Variants in FLOT1 observed in about 807,000 individuals in gnomAD.
FLOT1 encodes flotillin 1, also known as flotillin-1.
A neutral mutation model predicts 58.4 loss-of-function variants in FLOT1; 40 were observed. That is an observed-to-expected ratio of 0.69 (90% CI 0.53 to 0.89). The LOEUF (loss-of-function observed/expected upper bound fraction) is 0.89. Among genes scored for constraint, FLOT1 ranks in the 40% least tolerant of loss-of-function variants. The pLI is 0.00. For synonymous variants in FLOT1, 178 were observed against 204.2 expected (o/e 0.87, Z 1.09); for missense variants, 423 against 540.8 (o/e 0.78, Z 2.16).
intron 12 of FLOT1, among the ~76,000 whole-genome samples, chr6:30,728,767 C>T (rs1776929913): frequency 6.7e-6 from 1 of 150,350 alleles, no homozygotes; most frequent in Non-Finnish European, 1.5e-5. Flanking sequence ...CAGCACCCAG[C>T]CCGAATATGC....
chr6:30,739,958 G>A (rs916482264), intron 8 of FLOT1, among the ~76,000 whole-genome samples, 200 bp downstream of exon 8: 2 of 152,216 alleles, frequency 1.3e-5, no homozygotes, highest in Admixed American at 6.5e-5. Flanking sequence ...CACCACACCC[G>A]GCTGGCCTTT....
At chr6:30,735,107 T>A (rs1437760504) in intron 8 of FLOT1, among the ~76,000 whole-genome samples, 1 of 151,774 alleles carries the variant, frequency 6.6e-6, no homozygotes, top group Non-Finnish European at 1.5e-5. Flanking sequence ...TTGGTCATGT[T>A]CCCCAGAGCA....
At chr6:30,738,286 G>A (rs1451675322) in intron 8 of FLOT1, among the ~76,000 whole-genome samples, 5 of 152,204 alleles carry the variant, frequency 3.3e-5, no homozygotes, top group African/African-American at 1.2e-4. Flanking sequence ...GAGTTGCAAA[G>A]CTGTATGCCA....
chr6:30,735,183 T>A (rs1446698083), intron 8 of FLOT1, among the ~76,000 whole-genome samples: 1 of 151,976 alleles, frequency 6.6e-6, no homozygotes, highest in Non-Finnish European at 1.5e-5. Context: ...GGGGTTGGGG[T>A]TGGGGTTGGC....
At position 30,730,030 on chromosome 6, in the gene FLOT1, T is replaced by C. The variant is rs1266818663; in HGVS notation, c.1246A>G (p.Ile416Val). Residue 416 changes from isoleucine to valine, a missense_variant, in exon 12 of 13, where the codon ATC becomes GTC. Coordinates refer to ENST00000376389, the MANE Select transcript of FLOT1 (RefSeq NM_005803.4). ...ESVERLTGVS[I>V]SQVNHKPLRT... ...CCAACCTGAGACCTCACCTGGGAGA[T>C]GCTCACGCCTGTGAGTCTTTCCACA... 6.2e-7 allele frequency: 1 copy of C among 1,612,874 alleles called. No homozygotes were observed. Among genetic ancestry groups the C allele is most frequent in the African/African-American group, 1.3e-5 (1 of 74,910 alleles).
rs753497493 is a variant in FLOT1, at chr6:30,741,360, G to A, written c.211-27C>T. 2 of 1,612,746 alleles carry A rather than the reference G, an allele frequency of 1.2e-6. No homozygotes were observed. Among genetic ancestry groups the A allele is most frequent in the African/African-American group, 2.7e-5 (2 of 74,940 alleles). On this transcript the variant is annotated intron_variant, in intron 4 of 12. Transcript: ENST00000376389. This position sits in a 1 kb window ranked among gnomAD's most constrained non-coding sequence, Gnocchi z 5.9. ...TGTAGCCAGAGTAGGGGTAGGAAAGGTGTGGTGGGGGTCTCATGAAGTCAG... is the reference window on the plus strand; with the variant it reads ...TGTAGCCAGAGTAGGGGTAGGAAAGATGTGGTGGGGGTCTCATGAAGTCAG...
At position 30,741,874 on chromosome 6, in the gene FLOT1, G is replaced by A. The variant is rs770959587; in HGVS notation, c.44-7C>T. The A allele has an allele frequency of 8.1e-6, 13 of 1,611,982 alleles. No homozygotes were observed. The highest frequency in any genetic ancestry group is 1.1e-5 in the South Asian group (1 of 91,022). Reference sequence around the variant, plus strand: ...GGGGGGCTTCGGCAGAACCCTGCAAGGTGTGGGGCAGTGAGGAACGGTGGC... The same window carrying A: ...GGGGGGCTTCGGCAGAACCCTGCAAAGTGTGGGGCAGTGAGGAACGGTGGC... On this transcript the variant is annotated splice_polypyrimidine_tract_variant and splice_region_variant and intron_variant, in intron 2 of 12. Transcript: ENST00000376389. The surrounding 1 kb of genome is among the most constrained non-coding windows in gnomAD (Gnocchi z 5.9).
chr6:30,741,697 G>A lies in FLOT1; in HGVS notation c.127C>T (p.Leu43Phe). 6.2e-7 allele frequency: 1 copy of A among 1,612,792 alleles called. No homozygotes were observed. The highest frequency in any genetic ancestry group is 8.5e-7 in the Non-Finnish European group (1 of 1,179,820). Residue 43 changes from leucine to phenylalanine, a missense_variant, in exon 4 of 13, where the codon CTC becomes TTC. Around this residue, in one of 6 missense-constraint regions of FLOT1, gnomAD observed 91 missense variants for 118.3 expected, o/e 0.77. Transcript: ENST00000376389. This position sits in a 1 kb window ranked among gnomAD's most constrained non-coding sequence, Gnocchi z 5.9. ...TTGACATTGAGGGTCAGTGTGTTGA[G>A]AGAGATCCTAGGGGAAAAAGAAGGG... ...PCIQQIQRIS[L>F]NTLTLNVKSE...
chr6:30,739,667 CT>C (rs918564074), intron 8 of FLOT1, among the ~76,000 whole-genome samples: 12 of 137,264 alleles, frequency 8.7e-5, no homozygotes, highest in African/African-American at 3.0e-4. Context: ...CGCGCGTGGC[CT>C]TTTTTTTCTC....
chr6:30,730,849 GC>G, intron 9 of FLOT1, 69 bp downstream of exon 9: 1 of 1,596,360 alleles, frequency 6.3e-7, no homozygotes, highest in Non-Finnish European at 8.6e-7. Flanking sequence ...GGTGGTGAAG[GC>G]TTCAGCACTC....
Position 30,728,093 on chromosome 6 carries a change from G to A in FLOT1, c.*23C>T, listed in dbSNP as rs780938312. 1 of 1,611,468 alleles carries A rather than the reference G, an allele frequency of 6.2e-7. No homozygotes were observed. The highest frequency in any genetic ancestry group is 8.5e-7 in the Non-Finnish European group (1 of 1,178,600). ...TTCAGGCAACTTCAGCTATGAGGCT[G>A]GGCATCTGTGAGGGCTGAAGGCTCA... On this transcript the variant is annotated 3_prime_UTR_variant, in exon 13 of 13. Coordinates refer to ENST00000376389, the MANE Select transcript of FLOT1 (RefSeq NM_005803.4).
chr6:30,739,765 CA>C (rs2127779289), intron 8 of FLOT1, among the ~76,000 whole-genome samples: 1 of 152,292 alleles, frequency 6.6e-6, no homozygotes, highest in South Asian at 2.1e-4. Flanking sequence ...CTGGCTCAAG[CA>C]ATCCTCCTGC....
At position 30,742,462 on chromosome 6, in the gene FLOT1, C is replaced by A; in HGVS notation, c.-15+65G>T. 1 of 552,578 alleles carries A rather than the reference C, an allele frequency of 1.8e-6. No individual in the cohort carries two copies. Among genetic ancestry groups the A allele is most frequent in the East Asian group, 3.2e-5 (1 of 31,032 alleles). The allele number at this position is 552,578 out of a possible 1,614,324, so 34.2% of individuals were successfully genotyped here. On this transcript the variant is annotated intron_variant, in intron 1 of 12. Coordinates refer to ENST00000376389, the MANE Select transcript of FLOT1 (RefSeq NM_005803.4). This position sits in a 1 kb window ranked among gnomAD's most constrained non-coding sequence, Gnocchi z 5.2. ...AAGGTCCCCCGCGCCCAGAGGCCTG[C>A]AGACCTTTCCCCTCTCTCCCTGCTT...
intron 11 of FLOT1, 120 bp from the exon 12 acceptor site, chr6:30,730,306 A>G (rs1224338461): frequency 6.7e-7 from 1 of 1,498,610 alleles, no homozygotes; most frequent in Non-Finnish European, 9.1e-7. Context: ...TTGGTCACTA[A>G]TAATTCCCAC....
At position 30,730,694 on chromosome 6, in the gene FLOT1, G is replaced by T. The variant is rs1328575733; in HGVS notation, c.939C>A (p.Ala313=). Reference sequence around the variant, plus strand: ...CCTCTTAACTCACCCGCACAGACGCGGCTTCTGCCTCCGCCTGCATAATTA... The same window carrying T: ...CCTCTTAACTCACCCGCACAGACGCTGCTTCTGCCTCCGCCTGCATAATTA... ...SQLIMQAEAE[A]ASVRMRGEAE... is the part of the protein sequence containing the mutation. Residue 313 remains alanine (A), a synonymous_variant, in exon 10 of 13, where the codon GCC becomes GCA. Coordinates refer to ENST00000376389, the MANE Select transcript of FLOT1 (RefSeq NM_005803.4). The T allele has an allele frequency of 6.2e-7, 1 of 1,613,490 alleles. No homozygotes were observed. Among genetic ancestry groups the T allele is most frequent in the South Asian group, 1.1e-5 (1 of 91,082 alleles).
At chr6:30,728,342 G>C (rs1461991081) in intron 12 of FLOT1, among the ~76,000 whole-genome samples, 197 bp from the exon 13 acceptor site, 1 of 152,158 alleles carries the variant, frequency 6.6e-6, no homozygotes, top group African/African-American at 2.4e-5. Flanking sequence ...GAGAGGAGAG[G>C]GGGCAGAGCC....
intron 7 of FLOT1, 67 bp downstream of exon 7, chr6:30,740,429 C>G: frequency 6.3e-7 from 1 of 1,588,040 alleles, no homozygotes; most frequent in Non-Finnish European, 8.6e-7. Context: ...TCACCCAGCA[C>G]CCCTGCTTCT....
intron 8 of FLOT1, 68 bp from the exon 9 acceptor site, chr6:30,731,168 G>A: frequency 1.4e-6 from 2 of 1,465,922 alleles, no homozygotes; most frequent in Non-Finnish European, 1.8e-6. Context: ...CCGGGAACCA[G>A]AGCTCCAGAG....
intron 11 of FLOT1, 45 bp from the exon 12 acceptor site, chr6:30,730,231 A>G (rs1777062637): frequency 6.2e-7 from 1 of 1,600,428 alleles, no homozygotes; most frequent in Admixed American, 1.7e-5. Context: ...ATCTGACCAC[A>G]TTCCTCATAA....
Sources: gnomAD v4.1 joint callset for allele counts (sites outside exome capture counted in the v4.1 genomes callset) on GRCh38, gnomAD v4.1.1 for gene constraint, gnomAD v4.1.1 regional missense constraint, Gnocchi (gnomAD v3.1) non-coding constraint, MANE v1.5 for transcripts, NCBI Gene and HGNC (gene_info 2026-07-23, HGNC 2026-07-21) for gene names.